Variants in DKC1 observed in about 807,000 individuals in gnomAD.
DKC1 encodes H/ACA ribonucleoprotein complex subunit DKC1.
In DKC1, 4 loss-of-function variants were observed where a neutral mutation model predicts 46.7. The observed-to-expected ratio is 0.09, with a 90% confidence interval of 0.04 to 0.20. The LOEUF (loss-of-function observed/expected upper bound fraction) is 0.20, where lower values mean the gene tolerates loss of function less well. DKC1 is among the 10% of genes least tolerant of loss of function. The probability of loss-of-function intolerance (pLI) is 1.00; values close to 1 mark genes in which losing one functional copy is unlikely to be tolerated. For synonymous variants in DKC1, 141 were observed against 142.4 expected, an observed-to-expected ratio of 0.99 and a Z score of 0.07; for missense variants, 171 against 404.2, an observed-to-expected ratio of 0.42 and a Z score of 4.95.
In DKC1 at chrX:154,765,540, T is replaced by TA; in HGVS notation, c.171+14dup. 8.8e-7 allele frequency: 1 copy of TA among 1,140,094 alleles called. No individual in the cohort carries two copies. The highest frequency in any genetic ancestry group is 1.2e-6 in the Non-Finnish European group (1 of 829,665). The allele number at this position is 1,140,094 out of a possible 1,213,427, so 94.0% of individuals were successfully genotyped here. On this transcript the variant is annotated intron_variant, in intron 3 of 14. Transcript: ENST00000369550. ...GCCCCTTTTGCTAAAGGTATGTGGT[T>TA]AAAATCGTGCATCAGATGAATGCCT...
At chrX:154,766,061 T>A (rs965503303) in intron 4 of DKC1, 63 bp downstream of exon 4, 5 of 1,034,622 alleles carry the variant, frequency 4.8e-6, no homozygotes, top group Non-Finnish European at 5.5e-6. Flanking sequence ...TCACATCAGC[T>A]ATTCAGGAAG....
At chrX:154,776,709 G>A in intron 14 of DKC1, 90 bp from the exon 15 acceptor site, 1 of 936,153 alleles carries the variant, frequency 1.1e-6, no homozygotes, top group Non-Finnish European at 1.5e-6. Flanking sequence ...AGGCTTGCTT[G>A]ACTGTGGACC....
chrX:154,767,437 CT>C (rs1331301600), intron 7 of DKC1, 55 bp downstream of exon 7: 4 of 1,191,471 alleles, frequency 3.4e-6, no homozygotes, highest in Non-Finnish European at 3.4e-6. Context: ...ATTCTGTTCT[CT>C]TATTAAAAGT....
chrX:154,767,511 C>T (rs1174144089), intron 7 of DKC1, 129 bp downstream of exon 7: 2 of 819,524 alleles, frequency 2.4e-6, no homozygotes, highest in South Asian at 2.2e-5. Context: ...TGTCTGTGGG[C>T]GATAGTTTTT....
chrX:154,764,757 C>T, intron 1 of DKC1, 142 bp from the exon 2 acceptor site: 1 of 501,006 alleles, frequency 2.0e-6, no homozygotes, highest in Non-Finnish European at 3.6e-6. Flanking sequence ...GCAGTCTGTA[C>T]TTGCAAAACA....
chrX:154,771,697 T>C (rs1371524404), intron 10 of DKC1, among the ~76,000 whole-genome samples: 2 of 111,816 alleles, frequency 1.8e-5, no homozygotes, highest in Non-Finnish European at 3.8e-5. Flanking sequence ...GTTCCATCCA[T>C]GTTGTTGGAA....
intron 2 of DKC1, 76 bp downstream of exon 2, chrX:154,765,042 G>C: frequency 1.1e-6 from 1 of 892,415 alleles, no homozygotes; most frequent in South Asian, 2.0e-5. Context: ...GGAAAGAAGT[G>C]TTTTTAAAGG....
intron 7 of DKC1, chrX:154,768,085 C>T (rs1309073137): frequency 9.5e-6 from 4 of 420,974 alleles, no homozygotes; most frequent in African/African-American, 5.0e-5. Flanking sequence ...CTCCTGACGT[C>T]GTGATCCACC....
chrX:154,763,124 C>G, intron 1 of DKC1, 143 bp downstream of exon 1: 1 of 767,302 alleles, frequency 1.3e-6, no homozygotes, highest in Admixed American at 2.7e-5. Flanking sequence ...TTAAGCCGGC[C>G]TTGTCTCTCG....
At chrX:154,773,942 C>T (rs1373923105) in intron 11 of DKC1, among the ~76,000 whole-genome samples, 1 of 111,035 alleles carries the variant, frequency 9.0e-6, no homozygotes, top group African/African-American at 3.3e-5. Context: ...CTGACCCCCC[C>T]CCACCTCCCT....
intron 11 of DKC1, among the ~76,000 whole-genome samples, chrX:154,773,935 A>AC (rs1297904648): frequency 9.1e-3 from 890 of 97,335 alleles, no homozygotes; most frequent in Non-Finnish European, 0.012. Flanking sequence ...GGGGGGGCTG[A>AC]CCCCCCCCCA....
chrX:154,763,329 T>G (rs1443715306), intron 1 of DKC1, among the ~76,000 whole-genome samples: 1 of 111,976 alleles, frequency 8.9e-6, no homozygotes, highest in Non-Finnish European at 1.9e-5. Flanking sequence ...TACAGCTCCA[T>G]GCGACTAGGG....
intron 2 of DKC1, chrX:154,765,217 A>G: frequency 2.1e-6 from 1 of 477,965 alleles, no homozygotes; most frequent in Non-Finnish European, 3.7e-6. Context: ...CCACCCACAG[A>G]CCCGCCATCC....
chrX:154,775,420 C>G, intron 13 of DKC1, 147 bp downstream of exon 13: 2 of 589,888 alleles, frequency 3.4e-6, no homozygotes, highest in South Asian at 4.8e-5. Flanking sequence ...AATGCTGCCT[C>G]ATACCCTGGG....
rs781964348 is a variant in DKC1 at position 154,775,216 on chromosome X, G to A, written c.1281G>A (p.Val427=). The A allele has an allele frequency of 1.7e-6, 2 of 1,210,695 alleles. No individual in the cohort carries two copies. Among genetic ancestry groups the A allele is most frequent in the African/African-American group, 3.5e-5 (2 of 57,419 alleles). Reference sequence around the variant, plus strand: ...TCAGTGAGTCTGCCAAAAAAGAGGTGGTTGCTGAAGTGGTAAAAGCCCCGC... The same window carrying A: ...TCAGTGAGTCTGCCAAAAAAGAGGTAGTTGCTGAAGTGGTAAAAGCCCCGC... ...VDYSESAKKE[V]VAEVVKAPQV... The change falls in exon 13 of 15, where the codon GTG becomes GTA. Residue 427 remains valine (V), a synonymous_variant. Transcript: ENST00000369550.
rs1284252624 is a variant in DKC1 at position 154,768,111 on chromosome X, A to T, written c.641-191A>T. The T allele has an allele frequency of 5.5e-5, 27 of 495,040 alleles. No homozygotes were observed. In the Admixed American group the frequency reaches 6.9e-4, roughly 13 times the overall value. The allele number at this position is 495,040 out of a possible 1,213,427, so 40.8% of individuals were successfully genotyped here. Reference sequence around the variant, plus strand: ...GTGATCCACCCGCCTCTGCCTCCCAAAGTGCTGGAATTACAGGCGTGAGCC... The same window carrying T: ...GTGATCCACCCGCCTCTGCCTCCCATAGTGCTGGAATTACAGGCGTGAGCC... On this transcript the variant is annotated intron_variant, in intron 7 of 14. Coordinates refer to ENST00000369550, the MANE Select transcript of DKC1 (RefSeq NM_001363.5).
intron 7 of DKC1, among the ~76,000 whole-genome samples, chrX:154,767,745 A>C (rs782450595): frequency 6.3e-5 from 7 of 111,906 alleles, no homozygotes; most frequent in Admixed American, 9.5e-5. Context: ...AAGTAAATTT[A>C]AGACAATGCC....
chrX:154,772,056 G>A (rs1450792789), intron 10 of DKC1, among the ~76,000 whole-genome samples: 1 of 112,482 alleles, frequency 8.9e-6, no homozygotes, highest in Non-Finnish European at 1.9e-5. Context: ...ATTTTAACTG[G>A]AGTGAAATGA....
chrX:154,776,787 C>A lies in DKC1; in HGVS notation c.1477-12C>A. ...GATGGTATCTGTGAGCTTTCATTCT[C>A]TTTCTTTCTAGGACAGTGATACCAC... On this transcript the variant is annotated splice_polypyrimidine_tract_variant and intron_variant, in intron 14 of 14. Transcript: ENST00000369550. 8.3e-7 allele frequency: 1 copy of A among 1,204,489 alleles called. No individual in the cohort carries two copies. The highest frequency in any genetic ancestry group is 1.8e-5 in the South Asian group (1 of 56,397).
Sources: allele counts gnomAD v4.1 joint callset (sites outside exome capture counted in the v4.1 genomes callset), GRCh38; gene constraint gnomAD v4.1.1; transcripts MANE v1.5; gene names NCBI Gene and HGNC (gene_info 2026-07-23, HGNC 2026-07-21).